The following PARD3B variants were observed in gnomAD, a reference collection of about 807,000 sequenced individuals.
The protein encoded by PARD3B is par-3 family cell polarity regulator beta.
A neutral mutation model predicts 130.2 loss-of-function variants in PARD3B; 103 were observed. The ratio of observed to expected loss-of-function variants is 0.79; its 90% CI spans 0.67 to 0.93. The LOEUF (loss-of-function observed/expected upper bound fraction) is 0.93, where lower values mean the gene tolerates loss of function less well. Ranked by LOEUF, PARD3B falls within the 40% of genes least tolerant of loss-of-function variation. PARD3B has a pLI of 0.00. For synonymous variants in PARD3B, 583 were observed against 553.2 expected, an observed-to-expected ratio of 1.05 and a Z score of -0.76; for missense variants, 1,609 against 1,499.2, an observed-to-expected ratio of 1.07 and a Z score of -1.21.
At chr2:205,210,516 T>C (rs2037571087) in intron 15 of PARD3B, among the ~76,000 whole-genome samples, 1 of 152,122 alleles carries the variant, frequency 6.6e-6, no homozygotes, top group African/African-American at 2.4e-5. Flanking sequence ...TCTTCACTTC[T>C]AGAAACAGGA....
intron 22 of PARD3B, among the ~76,000 whole-genome samples, chr2:205,561,908 G>A (rs138976223): frequency 3.3e-5 from 5 of 152,296 alleles, no homozygotes; most frequent in African/African-American, 1.2e-4. Flanking sequence ...AAGGTTCCCT[G>A]TGCTGAAAAT....
intron 18 of PARD3B, among the ~76,000 whole-genome samples, chr2:205,313,341 C>G (rs1377388028): frequency 6.6e-6 from 1 of 152,150 alleles, no homozygotes; most frequent in African/African-American, 2.4e-5. Context: ...TTCCAGCTGT[C>G]AAGCATATCT....
intron 3 of PARD3B, among the ~76,000 whole-genome samples, chr2:204,996,880 A>G (rs1022255541): frequency 1.3e-5 from 2 of 149,494 alleles, no homozygotes; most frequent in East Asian, 4.0e-4. Flanking sequence ...TGACTCGAAA[A>G]GGGAACTCCC....
chr2:204,766,707 A>T (rs1417055678), intron 2 of PARD3B, among the ~76,000 whole-genome samples: 2 of 151,190 alleles, frequency 1.3e-5, no homozygotes, highest in Non-Finnish European at 3.0e-5. Flanking sequence ...CAGAGGAACT[A>T]AAAAAAAATT....
At chr2:205,052,076 T>A (rs988780189) in intron 4 of PARD3B, among the ~76,000 whole-genome samples, 2 of 152,124 alleles carry the variant, frequency 1.3e-5, no homozygotes, top group African/African-American at 4.8e-5. Flanking sequence ...TAACCTGGTG[T>A]TCTTGGCTTA....
At position 204,764,480 on chromosome 2, in the gene PARD3B, T is replaced by C. The variant is rs182980741; in HGVS notation, c.222+78198T>C. On this transcript the variant is annotated intron_variant, in intron 2 of 22. Transcript: ENST00000406610. ...GCTTGATTTCTAAGCTCGTTTTTTGTTTGAAAGAATTTTACCGAGGACCCA... is the reference window on the plus strand; with the variant it reads ...GCTTGATTTCTAAGCTCGTTTTTTGCTTGAAAGAATTTTACCGAGGACCCA... 9.9e-5 allele frequency among the ~76,000 whole-genome samples: 15 copies of C among 152,274 alleles called. 1 individual carries two copies. Among genetic ancestry groups the C allele is most frequent in the Non-Finnish European group, 7.4e-5 (5 of 68,016 alleles).
chr2:204,671,412 G>T (rs1317149668), intron 1 of PARD3B, among the ~76,000 whole-genome samples: 1 of 152,086 alleles, frequency 6.6e-6, no homozygotes. Flanking sequence ...GGCAGCTTTT[G>T]TTCACCATTT....
intron 2 of PARD3B, among the ~76,000 whole-genome samples, chr2:204,917,085 T>C (rs1166869194): frequency 2.0e-5 from 3 of 152,068 alleles, no homozygotes; most frequent in Non-Finnish European, 4.4e-5. Context: ...TAAAGAAATA[T>C]GGAGTAGAGA....
At chr2:205,293,374 C>T (rs183616646) in intron 16 of PARD3B, 1 of 152,090 alleles carries the variant, frequency 6.6e-6, no homozygotes, top group East Asian at 1.9e-4. Flanking sequence ...GCAAGACATA[C>T]AAAGAGTTAA....
intron 4 of PARD3B, among the ~76,000 whole-genome samples, chr2:205,060,292 A>G (rs1170802141): frequency 1.3e-5 from 2 of 152,132 alleles, no homozygotes; most frequent in Non-Finnish European, 2.9e-5. Context: ...TGATGCCAAA[A>G]TCTATATTGT....
chr2:204,711,745 G>A (rs1332483408), intron 2 of PARD3B, among the ~76,000 whole-genome samples: 1 of 151,808 alleles, frequency 6.6e-6, no homozygotes, highest in Non-Finnish European at 1.5e-5. Flanking sequence ...ATGGGGTTTC[G>A]CCATGTTGAC....
chr2:204,763,120 A>G (rs981413366), intron 2 of PARD3B, among the ~76,000 whole-genome samples: 3 of 152,148 alleles, frequency 2.0e-5, no homozygotes, highest in South Asian at 2.1e-4. Context: ...CTCATATTGT[A>G]TAACCCTATA....
chr2:205,002,884 C>T (rs539197935), intron 3 of PARD3B, among the ~76,000 whole-genome samples: 2 of 152,166 alleles, frequency 1.3e-5, no homozygotes, highest in Non-Finnish European at 2.9e-5. Context: ...TCTGGAGTCT[C>T]GCCGGGGTAA....
At chr2:205,145,183 G>A (rs749855534) in intron 10 of PARD3B, among the ~76,000 whole-genome samples, 7 of 152,114 alleles carry the variant, frequency 4.6e-5, no homozygotes, top group Non-Finnish European at 8.8e-5. Context: ...TGAGGTGGCT[G>A]TGTAGAACAC....
At position 205,086,022 on chromosome 2, in the gene PARD3B, C is replaced by G. The variant is rs536179142; in HGVS notation, c.505-18404C>G. ...AAACAATAAAAGGTCAAGTTTAATG[C>G]CTTCAAGAACTTGTGGTGATGCTGT... On this transcript the variant is annotated intron_variant, in intron 4 of 22. Transcript: ENST00000406610. Among the ~76,000 whole-genome samples, 20 of 152,258 alleles carry G rather than the reference C, an allele frequency of 1.3e-4. No individual in the cohort carries two copies. In the South Asian group the frequency reaches 3.7e-3, roughly 28 times the overall value.
intron 18 of PARD3B, among the ~76,000 whole-genome samples, chr2:205,387,294 C>T (rs1232398573): frequency 6.6e-6 from 1 of 152,094 alleles, no homozygotes; most frequent in Non-Finnish European, 1.5e-5. Context: ...TTAATATGGC[C>T]TTTGTAGAAC....
At chr2:205,552,832 A>T (rs2052709687) in intron 21 of PARD3B, among the ~76,000 whole-genome samples, 1 of 152,208 alleles carries the variant, frequency 6.6e-6, no homozygotes, top group African/African-American at 2.4e-5. Context: ...TTAGTTAAAA[A>T]TCTAAATAAA....
intron 1 of PARD3B, among the ~76,000 whole-genome samples, chr2:204,651,502 C>G (rs981568498): frequency 6.6e-6 from 1 of 152,234 alleles, no homozygotes; most frequent in Admixed American, 6.5e-5. Context: ...GCAGCTCTGC[C>G]CCTGTGGCTC....
At chr2:205,304,736 A>G (rs1301218248) in intron 18 of PARD3B, among the ~76,000 whole-genome samples, 2 of 152,148 alleles carry the variant, frequency 1.3e-5, no homozygotes, top group African/African-American at 4.8e-5. Flanking sequence ...AGGAGTTATA[A>G]GACAAGCCTG....
Sources: gnomAD v4.1 joint callset for allele counts (sites outside exome capture counted in the v4.1 genomes callset) on GRCh38, gnomAD v4.1.1 for gene constraint, MANE v1.5 for transcripts, NCBI Gene and HGNC (gene_info 2026-07-23, HGNC 2026-07-21) for gene names.